Variants in OPHN1 observed in about 807,000 individuals in gnomAD.
OPHN1 encodes the protein oligophrenin 1.
A neutral mutation model predicts 60.7 loss-of-function variants in OPHN1; 11 were observed. That is an observed-to-expected ratio of 0.18 (90% CI 0.11 to 0.30). The LOEUF is 0.30. OPHN1 is among the 10% of genes least tolerant of loss of function. The pLI is 1.00. For synonymous variants in OPHN1, 226 were observed against 222.6 expected, an observed-to-expected ratio of 1.02 and a Z score of -0.14; for missense variants, 449 against 611.0, an observed-to-expected ratio of 0.73 and a Z score of 2.80.
At chrX:68,377,417 T>A in intron 2 of OPHN1, among the ~76,000 whole-genome samples, 1 of 107,882 alleles carries the variant, frequency 9.3e-6, no homozygotes, top group Non-Finnish European at 1.9e-5. Flanking sequence ...TTTATTTTTT[T>A]ATTTTTTATT....
At position 68,397,905 on chromosome X, in the gene OPHN1, G is replaced by C. The variant is rs754391518; in HGVS notation, c.154+34962C>G. Reference sequence around the variant, plus strand: ...TTTTATCACTGGCAGGTGTAACCCTGTTCTTCCTTACTTTTCTTTTTCTCA... The same window carrying C: ...TTTTATCACTGGCAGGTGTAACCCTCTTCTTCCTTACTTTTCTTTTTCTCA... On this transcript the variant is annotated intron_variant, in intron 2 of 24. Transcript: ENST00000355520. Among the ~76,000 whole-genome samples, 152 of 110,680 alleles carry C rather than the reference G, an allele frequency of 1.4e-3. 1 individual carries two copies. Among genetic ancestry groups the C allele is most frequent in the African/African-American group, 4.7e-3 (144 of 30,416 alleles).
chrX:68,058,985 G>C (rs2076883439), intron 21 of OPHN1, among the ~76,000 whole-genome samples: 1 of 111,666 alleles, frequency 9.0e-6, no homozygotes, highest in Admixed American at 9.5e-5. Context: ...ATACAAATGA[G>C]AAAACTAAGG....
At chrX:68,090,731 T>C (rs1320164588) in intron 19 of OPHN1, among the ~76,000 whole-genome samples, 1 of 111,238 alleles carries the variant, frequency 9.0e-6, no homozygotes, top group African/African-American at 3.3e-5. Context: ...CCCAGCTTTC[T>C]CCGGCCAGTT....
chrX:68,362,163 A>G (rs1408780618), intron 2 of OPHN1, among the ~76,000 whole-genome samples: 2 of 112,313 alleles, frequency 1.8e-5, no homozygotes, highest in African/African-American at 6.5e-5. Flanking sequence ...ATCCCATTTC[A>G]TAAGTTGTCT....
At chrX:68,106,507 C>T (rs1336385709) in intron 18 of OPHN1, among the ~76,000 whole-genome samples, 2 of 111,368 alleles carry the variant, frequency 1.8e-5, no homozygotes, top group Admixed American at 9.6e-5. Context: ...TTTTCGTCTG[C>T]CTGCTGATAA....
At chrX:68,232,814 GA>G (rs995683742) in intron 6 of OPHN1, among the ~76,000 whole-genome samples, 1 of 109,893 alleles carries the variant, frequency 9.1e-6, no homozygotes, top group South Asian at 3.9e-4. Flanking sequence ...GATAGAAAAG[GA>G]AAAAAACAAA....
At chrX:68,070,662 A>G in intron 20 of OPHN1, 2 of 856,613 alleles carry the variant, frequency 2.3e-6, no homozygotes, top group Non-Finnish European at 1.7e-6. Flanking sequence ...TCCACCACCT[A>G]TGATGGTAAT....
chrX:68,255,510 G>A (rs2077858058), intron 5 of OPHN1, among the ~76,000 whole-genome samples: 1 of 111,470 alleles, frequency 9.0e-6, no homozygotes, highest in Non-Finnish European at 1.9e-5. Flanking sequence ...GTAGTCTTGC[G>A]GATATGTGGG....
intron 6 of OPHN1, among the ~76,000 whole-genome samples, chrX:68,217,244 G>C (rs1054904716): frequency 2.7e-5 from 3 of 112,155 alleles, no homozygotes; most frequent in Non-Finnish European, 5.6e-5. Flanking sequence ...GGAGCACCAC[G>C]AGATTATATC....
Position 68,057,908 on chromosome X carries a change from T to C in OPHN1, c.2159-4098A>G, listed in dbSNP as rs191081161. ...TTTCCTTACCAGTATAACATGGGGA[T>C]TGGACTGTTTTTCCAGATGAATGAG... On this transcript the variant is annotated intron_variant, in intron 21 of 24. Transcript: ENST00000355520. Among the ~76,000 whole-genome samples, 783 of 111,683 alleles carry C rather than the reference T, an allele frequency of 7.0e-3. 6 individuals carry two copies. The highest frequency in any genetic ancestry group is 0.024 in the African/African-American group (753 of 30,767).
intron 2 of OPHN1, among the ~76,000 whole-genome samples, chrX:68,403,806 C>T (rs1007225457): frequency 1.8e-5 from 2 of 109,348 alleles, no homozygotes. Flanking sequence ...AGGTACTGCA[C>T]GAGATGTACT....
chrX:68,189,078 C>T (rs897784888), intron 15 of OPHN1, among the ~76,000 whole-genome samples: 5 of 111,998 alleles, frequency 4.5e-5, no homozygotes, highest in African/African-American at 1.6e-4. Context: ...GATCCATAGG[C>T]CTCTGGCATG....
In OPHN1 at chrX:68,063,928, C is replaced by A. The variant is rs748689779; in HGVS notation, c.2084G>T (p.Gly695Val). 5.0e-6 allele frequency: 6 copies of A among 1,198,895 alleles called. No individual in the cohort carries two copies. The South Asian group carries it at 7.3e-5, about 15-fold the overall frequency. The change falls in exon 21 of 25, where the codon GGC becomes GTC. Residue 695 changes from glycine to valine, a missense_variant. Physicochemically the swap from Gly to Val is moderately radical, Grantham distance 109 (BLOSUM62 -3). Transcript: ENST00000355520. The stretch of plus-strand genomic sequence containing the variant: ...AGAGGGGGTCTTGGTGGGCCCAGAG[C>A]CTGGCATGGGTCCATTGGTGGCCTT... ...TPKATNGPMP[G>V]SGPTKTPSFH...
intron 15 of OPHN1, among the ~76,000 whole-genome samples, chrX:68,146,942 T>C (rs764279581): frequency 8.9e-6 from 1 of 112,055 alleles, no homozygotes; most frequent in African/African-American, 3.2e-5. Context: ...CAACTGAAAA[T>C]TGGAATACTG....
At chrX:68,306,040 C>T (rs1018214354) in intron 2 of OPHN1, among the ~76,000 whole-genome samples, 5 of 112,073 alleles carry the variant, frequency 4.5e-5, no homozygotes, top group African/African-American at 1.6e-4. Flanking sequence ...CCAATTAAAA[C>T]ATACAGTGGT....
chrX:68,190,873 T>G (rs1239540489), intron 15 of OPHN1, among the ~76,000 whole-genome samples: 1 of 111,974 alleles, frequency 8.9e-6, no homozygotes, highest in Non-Finnish European at 1.9e-5. Flanking sequence ...TGACCAGGAA[T>G]AAGCAATCCA....
intron 2 of OPHN1, among the ~76,000 whole-genome samples, chrX:68,408,677 C>T (rs2078755325): frequency 8.8e-6 from 1 of 113,042 alleles, no homozygotes; most frequent in African/African-American, 3.2e-5. Flanking sequence ...TACTTAGCAA[C>T]TGGGCCAGAC....
intron 2 of OPHN1, among the ~76,000 whole-genome samples, chrX:68,416,958 A>G (rs757630740): frequency 2.6e-4 from 29 of 112,577 alleles, no homozygotes; most frequent in Non-Finnish European, 1.3e-4. Context: ...ATTTATGAAA[A>G]CAGACATTAT....
At chrX:68,169,089 G>C (rs189728660) in intron 15 of OPHN1, among the ~76,000 whole-genome samples, 1 of 111,354 alleles carries the variant, frequency 9.0e-6, no homozygotes, top group African/African-American at 3.3e-5. Flanking sequence ...GGAGGAACTG[G>C]TACCATTCCT....
Sources: allele counts gnomAD v4.1 joint callset (sites outside exome capture counted in the v4.1 genomes callset), GRCh38; gene constraint gnomAD v4.1.1; transcripts MANE v1.5; gene names NCBI Gene and HGNC (gene_info 2026-07-23, HGNC 2026-07-21).